The following SCFD2 variants were observed in gnomAD, a reference collection of about 807,000 sequenced individuals.
SCFD2 encodes the protein sec1 family domain containing 2.
In SCFD2, 54 loss-of-function variants were observed where a neutral mutation model predicts 58.9. That is an observed-to-expected ratio of 0.92 (90% CI 0.74 to 1.15). The LOEUF (loss-of-function observed/expected upper bound fraction) is 1.15, where lower values mean the gene tolerates loss of function less well. Among genes scored for constraint, SCFD2 ranks in the 50% most tolerant of loss-of-function variants. The pLI is 0.00. For missense variants in SCFD2, 805 were observed against 836.6 expected (o/e 0.96, Z 0.47); for synonymous variants, 321 against 335.9 (o/e 0.96, Z 0.49).
intron 4 of SCFD2, among the ~76,000 whole-genome samples, chr4:53,217,928 C>G (rs566613149): frequency 6.6e-6 from 1 of 152,262 alleles, no homozygotes; most frequent in South Asian, 2.1e-4. Flanking sequence ...ATATGAAATT[C>G]TGGGTTGAAA....
intron 5 of SCFD2, among the ~76,000 whole-genome samples, chr4:53,139,851 T>C (rs941184585): frequency 2.6e-5 from 4 of 152,216 alleles, no homozygotes; most frequent in African/African-American, 4.8e-5. Flanking sequence ...TTCCATTTTG[T>C]TCTATACTAA....
intron 3 of SCFD2, among the ~76,000 whole-genome samples, chr4:53,297,669 T>G (rs1347483429): frequency 6.6e-6 from 1 of 152,214 alleles, no homozygotes; most frequent in East Asian, 1.9e-4. Context: ...AGTTTAATAT[T>G]GTTATGTGTG....
intron 4 of SCFD2, among the ~76,000 whole-genome samples, chr4:53,243,420 T>C (rs1729962743): frequency 6.6e-6 from 1 of 151,990 alleles, no homozygotes; most frequent in Non-Finnish European, 1.5e-5. Context: ...TTTTCAGACA[T>C]GCAAATGCTG....
At chr4:52,946,487 G>GCA (rs1473651135) in intron 5 of SCFD2, among the ~76,000 whole-genome samples, 5 of 151,976 alleles carry the variant, frequency 3.3e-5, no homozygotes, top group Admixed American at 3.3e-4. Flanking sequence ...CTAAAATTCA[G>GCA]AGTTCCTTCT....
chr4:53,332,801 T>C (rs1335197854), intron 2 of SCFD2, among the ~76,000 whole-genome samples: 1 of 151,278 alleles, frequency 6.6e-6, no homozygotes, highest in African/African-American at 2.4e-5. Flanking sequence ...AAAGAGGAAG[T>C]CAAATTGTCC....
intron 2 of SCFD2, among the ~76,000 whole-genome samples, chr4:53,324,021 G>C (rs1464897504): frequency 6.6e-6 from 1 of 152,100 alleles, no homozygotes; most frequent in Non-Finnish European, 1.5e-5. Flanking sequence ...TTCCCACAAG[G>C]AATAGCAAAG....
chr4:53,162,170 T>A (rs1273634550), intron 4 of SCFD2, among the ~76,000 whole-genome samples: 1 of 152,196 alleles, frequency 6.6e-6, no homozygotes, highest in Non-Finnish European at 1.5e-5. Context: ...GCTTGCTTTT[T>A]TTTTTAGTCT....
chr4:53,340,720 C>A (rs952628211), intron 2 of SCFD2, among the ~76,000 whole-genome samples: 1 of 152,142 alleles, frequency 6.6e-6, no homozygotes, highest in African/African-American at 2.4e-5. Context: ...CAATAGGGGG[C>A]GACGGACACC....
At chr4:52,924,189 T>G (rs949054357) in intron 5 of SCFD2, among the ~76,000 whole-genome samples, 3 of 152,224 alleles carry the variant, frequency 2.0e-5, no homozygotes, top group African/African-American at 7.2e-5. Flanking sequence ...ATGAGAAGTA[T>G]GATATTCATT....
At chr4:53,313,808 G>C (rs1297552262) in intron 2 of SCFD2, 45 bp from the exon 3 acceptor site, 1 of 1,605,554 alleles carries the variant, frequency 6.2e-7, no homozygotes, top group South Asian at 1.1e-5. Context: ...ATTTCTACTG[G>C]ATACTGGAAA....
At chr4:52,897,142 C>A (rs554241471) in intron 7 of SCFD2, among the ~76,000 whole-genome samples, 61 of 152,232 alleles carry the variant, frequency 4.0e-4, no homozygotes, top group African/African-American at 1.4e-3. Context: ...ATTGAATACC[C>A]TTTATTTCCT....
intron 4 of SCFD2, among the ~76,000 whole-genome samples, chr4:53,150,381 AAGG>A (rs1010546036): frequency 1.2e-4 from 18 of 152,316 alleles, no homozygotes; most frequent in African/African-American, 4.3e-4. Context: ...AAGATGAAGC[AAGG>A]AGAACCCTGT....
intron 8 of SCFD2, among the ~76,000 whole-genome samples, chr4:52,883,179 G>A (rs948271457): frequency 9.2e-5 from 14 of 152,266 alleles, no homozygotes; most frequent in African/African-American, 2.6e-4. Context: ...CATGATTTCC[G>A]CTGCACTCTA....
chr4:52,931,829 A>G (rs1450310519), intron 5 of SCFD2, among the ~76,000 whole-genome samples: 1 of 152,174 alleles, frequency 6.6e-6, no homozygotes, highest in Non-Finnish European at 1.5e-5. Context: ...TCCAGGAAGC[A>G]TATCTGATGT....
intron 5 of SCFD2, among the ~76,000 whole-genome samples, chr4:53,126,734 A>C (rs560477285): frequency 6.6e-6 from 1 of 152,176 alleles, no homozygotes; most frequent in African/African-American, 2.4e-5. Context: ...ACAGAGTACA[A>C]GTTGTGTGGG....
chr4:52,981,856 A>G (rs1183797436), intron 5 of SCFD2, among the ~76,000 whole-genome samples: 2 of 152,222 alleles, frequency 1.3e-5, no homozygotes, highest in Non-Finnish European at 2.9e-5. Context: ...GTGTTATCAA[A>G]TATAAATACA....
In SCFD2 at chr4:53,145,441, G is replaced by A. The variant is rs1726298781; in HGVS notation, c.1453C>T (p.Leu485Phe). The stretch of plus-strand genomic sequence containing the variant: ...TCACACAGGTCTTTGTCTACCGTGA[G>A]CTCTCCAGTGACAGAATAAATATAT... ...LIYIYSVTGE[L>F]TVDKDLCEAE... Residue 485 changes from leucine to phenylalanine, a missense_variant, in exon 5 of 9, where the codon CTC becomes TTC. By Grantham distance (22) the Leu-to-Phe change is conservative (BLOSUM62 0). This residue lies in a region of SCFD2 where 633 missense variants were observed against 646.8 expected (regional missense o/e 0.98). Transcript: ENST00000401642. 6.2e-7 allele frequency: 1 copy of A among 1,613,958 alleles called. No homozygotes were observed. Among genetic ancestry groups the A allele is most frequent in the Admixed American group, 1.7e-5 (1 of 59,982 alleles).
At chr4:52,937,941 G>A (rs950687958) in intron 5 of SCFD2, among the ~76,000 whole-genome samples, 3 of 152,130 alleles carry the variant, frequency 2.0e-5, no homozygotes, top group East Asian at 1.9e-4. Flanking sequence ...GAATTAAGCC[G>A]ATGTTTAAAT....
chr4:53,328,405 T>C (rs1457134229), intron 2 of SCFD2, among the ~76,000 whole-genome samples: 1 of 152,112 alleles, frequency 6.6e-6, no homozygotes, highest in African/African-American at 2.4e-5. Flanking sequence ...ATTTGAAATA[T>C]ACCAGAAAGT....
Sources: allele counts gnomAD v4.1 joint callset (sites outside exome capture counted in the v4.1 genomes callset), GRCh38; gene constraint gnomAD v4.1.1; regional missense constraint gnomAD v4.1.1; transcripts MANE v1.5; gene names NCBI Gene and HGNC (gene_info 2026-07-23, HGNC 2026-07-21).